Variants in DCC observed in about 807,000 individuals in gnomAD.
DCC encodes DCC netrin 1 receptor.
DCC carries 58 observed loss-of-function variants against 172.5 expected under a neutral mutation model. The observed-to-expected ratio is 0.34, with a 90% confidence interval of 0.27 to 0.42. DCC has a LOEUF of 0.42. Among genes scored for constraint, DCC ranks in the 10% least tolerant of loss-of-function variants. The pLI is 1.00. For missense variants in DCC, 1,740 were observed against 1,791.0 expected (o/e 0.97, Z 0.51); for synonymous variants, 709 against 644.5 (o/e 1.10, Z -1.52).
intron 1 of DCC, among the ~76,000 whole-genome samples, chr18:52,480,507 C>T (rs1394903562): frequency 6.6e-6 from 1 of 152,132 alleles, no homozygotes; most frequent in Non-Finnish European, 1.5e-5. Context: ...ACACAAGTGT[C>T]CCACTGAGTT....
At chr18:53,499,181 A>G (rs2144444433) in intron 26 of DCC, 117 bp from the exon 27 acceptor site, 3 of 992,694 alleles carry the variant, frequency 3.0e-6, no homozygotes, top group East Asian at 2.5e-5. Flanking sequence ...AACTTGGAGA[A>G]GAGACTGACC....
At chr18:53,053,708 A>G (rs2042365071) in intron 5 of DCC, among the ~76,000 whole-genome samples, 1 of 152,178 alleles carries the variant, frequency 6.6e-6, no homozygotes, top group African/African-American at 2.4e-5. Context: ...GACTGAGGAA[A>G]AATAATAGCT....
chr18:52,620,306 A>G (rs1568259614), intron 1 of DCC, among the ~76,000 whole-genome samples: 1 of 152,214 alleles, frequency 6.6e-6, no homozygotes, highest in Non-Finnish European at 1.5e-5. Context: ...AGGAGGCAGG[A>G]AGGGAGCTAC....
chr18:52,809,344 G>C (rs2038149807), intron 2 of DCC: 1 of 158,984 alleles, frequency 6.3e-6, no homozygotes, highest in South Asian at 1.9e-4. Flanking sequence ...CCACTCCCAA[G>C]ATGGCAGCAA....
At chr18:52,802,123 T>C (rs1048453902) in intron 2 of DCC, among the ~76,000 whole-genome samples, 1 of 152,102 alleles carries the variant, frequency 6.6e-6, no homozygotes, top group Non-Finnish European at 1.5e-5. Context: ...GGCAATAAGA[T>C]ACAGAATGAA....
At chr18:53,307,368 T>G (rs1276639481) in intron 13 of DCC, among the ~76,000 whole-genome samples, 1 of 152,174 alleles carries the variant, frequency 6.6e-6, no homozygotes, top group African/African-American at 2.4e-5. Flanking sequence ...CATGTATTCA[T>G]TAGGATATTT....
intron 1 of DCC, among the ~76,000 whole-genome samples, chr18:52,429,004 C>A (rs991272720): frequency 6.6e-6 from 1 of 152,064 alleles, no homozygotes; most frequent in African/African-American, 2.4e-5. Context: ...TCATTTCCTG[C>A]CATCCCCAAC....
At chr18:52,676,302 T>G (rs184488096) in intron 1 of DCC, among the ~76,000 whole-genome samples, 1 of 152,176 alleles carries the variant, frequency 6.6e-6, no homozygotes, top group Non-Finnish European at 1.5e-5. Context: ...TAACTTGAAT[T>G]GAATGAAGTA....
chr18:52,723,558 A>G (rs554149909), intron 1 of DCC, among the ~76,000 whole-genome samples: 60 of 152,232 alleles, frequency 3.9e-4, no homozygotes, highest in South Asian at 1.5e-3. Flanking sequence ...CGAACACCAT[A>G]TTTAAAGCAT....
chr18:52,674,781 C>T (rs749720209), intron 1 of DCC, among the ~76,000 whole-genome samples: 5 of 152,180 alleles, frequency 3.3e-5, no homozygotes, highest in Non-Finnish European at 7.3e-5. Context: ...AAGGCTCCCC[C>T]GCCATCTGAA....
chr18:52,379,820 A>C (rs1446282175), intron 1 of DCC, among the ~76,000 whole-genome samples: 1 of 152,118 alleles, frequency 6.6e-6, no homozygotes, highest in Non-Finnish European at 1.5e-5. Context: ...TCTGTCTCTT[A>C]CCCTTGACTT....
intron 1 of DCC, among the ~76,000 whole-genome samples, chr18:52,715,790 C>T (rs1307235222): frequency 6.6e-6 from 1 of 152,140 alleles, no homozygotes; most frequent in Non-Finnish European, 1.5e-5. Context: ...TCTTCCCACC[C>T]CTGTCACCCA....
At chr18:53,476,804 C>T (rs2045768624) in intron 25 of DCC, among the ~76,000 whole-genome samples, 1 of 152,056 alleles carries the variant, frequency 6.6e-6, no homozygotes, top group Non-Finnish European at 1.5e-5. Context: ...AGGCATTTCA[C>T]TTTGGAAAAA....
chr18:52,435,296 T>C (rs1987755020), intron 1 of DCC, among the ~76,000 whole-genome samples: 1 of 150,692 alleles, frequency 6.6e-6, no homozygotes, highest in Non-Finnish European at 1.5e-5. Flanking sequence ...TGTGTGTGTG[T>C]GTGCACGTGT....
At chr18:52,893,450 C>T (rs1364337032) in intron 2 of DCC, among the ~76,000 whole-genome samples, 1 of 152,102 alleles carries the variant, frequency 6.6e-6, no homozygotes, top group African/African-American at 2.4e-5. Flanking sequence ...TCATTTAATC[C>T]TTTGGGTAAC....
intron 1 of DCC, among the ~76,000 whole-genome samples, chr18:52,441,504 A>G (rs1229035330): frequency 6.6e-6 from 1 of 152,178 alleles, no homozygotes; most frequent in Non-Finnish European, 1.5e-5. Flanking sequence ...CACCATAAAA[A>G]TAAAAAAGGG....
rs372793823 is a variant in DCC, at chr18:52,603,155, T to C, written c.92-148899T>C. Among the ~76,000 whole-genome samples the C allele has an allele frequency of 1.2e-4, 19 of 152,096 alleles. 1 individual carries two copies. Among genetic ancestry groups the C allele is most frequent in the African/African-American group, 4.1e-4 (17 of 41,508 alleles). Reference sequence around the variant, plus strand: ...TCCAGACCTGCTTGATAAAAATCTCTAGGGATGGAGACTGAAAAGCTGATA... The same window carrying C: ...TCCAGACCTGCTTGATAAAAATCTCCAGGGATGGAGACTGAAAAGCTGATA... On this transcript the variant is annotated intron_variant, in intron 1 of 28. Transcript: ENST00000442544.
intron 7 of DCC, among the ~76,000 whole-genome samples, chr18:53,090,694 C>A: frequency 5.4e-5 from 1 of 18,366 alleles, no homozygotes; most frequent in Non-Finnish European, 1.5e-4. Flanking sequence ...ACTCCGTCCC[C>A]CAACAAAAAA....
At chr18:52,517,183 A>G (rs918159963) in intron 1 of DCC, among the ~76,000 whole-genome samples, 1 of 152,224 alleles carries the variant, frequency 6.6e-6, no homozygotes, top group Admixed American at 6.5e-5. Flanking sequence ...TGTTGTAAAC[A>G]TTAATAGAGT....
Sources: gnomAD v4.1 joint callset for allele counts (sites outside exome capture counted in the v4.1 genomes callset) on GRCh38, gnomAD v4.1.1 for gene constraint, MANE v1.5 for transcripts, NCBI Gene and HGNC (gene_info 2026-07-23, HGNC 2026-07-21) for gene names.